Variants in WDR36 observed in about 807,000 individuals in gnomAD.
WDR36 encodes the protein WD repeat-containing protein 36.
In WDR36, 63 loss-of-function variants were observed where a neutral mutation model predicts 112.7. That is an observed-to-expected ratio of 0.56 (90% CI 0.46 to 0.69). WDR36 has a LOEUF of 0.69. WDR36 is among the 30% of genes least tolerant of loss of function. The pLI is 0.00. For missense variants in WDR36, 1,226 were observed against 1,070.3 expected (o/e 1.15, Z -2.03); for synonymous variants, 410 against 362.2 (o/e 1.13, Z -1.50).
At position 111,124,113 on chromosome 5, in the gene WDR36, AGTG is replaced by A; in HGVS notation, c.2277_2279del (p.Val760del). On this transcript the variant is annotated inframe_deletion, in exon 21 of 23. Coordinates refer to ENST00000513710, the MANE Select transcript of WDR36 (RefSeq NM_139281.3). ...TGTATTTGTTTTTGTTTAAGTCTAAAGTGGTAAATCTTGGAGTTTTGGCTCAAA... is the reference window on the plus strand; with the variant it reads ...TGTATTTGTTTTTGTTTAAGTCTAAAGTAAATCTTGGAGTTTTGGCTCAAA... The A allele has an allele frequency of 6.2e-7, 1 of 1,613,080 alleles. No individual in the cohort carries two copies.
Position 111,107,440 on chromosome 5 carries a change from G to A in WDR36, c.1326+1G>A, listed in dbSNP as rs1447496285. On this transcript the variant is annotated splice_donor_variant, in intron 12 of 22. Transcript: ENST00000513710. LOFTEE classifies it high-confidence loss of function. The stretch of plus-strand genomic sequence containing the variant: ...GAAGAAAGATGACATAACTGCAACA[G>A]TAAGTGAGCTTGTTTATAAGAGTAT... 6.2e-7 allele frequency: 1 copy of A among 1,609,406 alleles called. No individual in the cohort carries two copies. The highest frequency in any genetic ancestry group is 8.5e-7 in the Non-Finnish European group (1 of 1,176,922).
At position 111,127,518 on chromosome 5, in the gene WDR36, C is replaced by G. The variant is rs1050397746; in HGVS notation, c.*635C>G. On this transcript the variant is annotated 3_prime_UTR_variant, in exon 23 of 23. Coordinates refer to ENST00000513710, the MANE Select transcript of WDR36 (RefSeq NM_139281.3). ...AGTTGGAGGATAAACTAATCATCTT[C>G]TAGCACAGCCCTGTTGTGTTGCAGG... The G allele has an allele frequency of 4.8e-6, 1 of 209,320 alleles. No individual in the cohort carries two copies. The highest frequency in any genetic ancestry group is 7.2e-5 in the East Asian group (1 of 13,944). The allele number at this position is 209,320 out of a possible 1,614,324, so 13.0% of individuals were successfully genotyped here.
intron 4 of WDR36, 64 bp downstream of exon 4, chr5:111,098,903 T>C (rs1408888006): frequency 6.7e-6 from 8 of 1,187,136 alleles, no homozygotes; most frequent in Non-Finnish European, 8.8e-6. Context: ...AAATTTAAAA[T>C]CTATGTAAAC....
chr5:111,113,610 G>T (rs1355717890), intron 16 of WDR36, among the ~76,000 whole-genome samples: 1 of 152,012 alleles, frequency 6.6e-6, no homozygotes, highest in Non-Finnish European at 1.5e-5. Context: ...GATAGTCTTA[G>T]TGCATTTTCT....
At chr5:111,110,712 G>T (rs1400549766) in intron 13 of WDR36, 76 bp from the exon 14 acceptor site, 5 of 1,463,858 alleles carry the variant, frequency 3.4e-6, no homozygotes, top group Non-Finnish European at 3.8e-6. Context: ...TTGAATGAAG[G>T]AATCACTGTG....
At chr5:111,103,714 T>A (rs1345239477) in intron 6 of WDR36, 72 bp from the exon 7 acceptor site, 1 of 1,574,418 alleles carries the variant, frequency 6.4e-7, no homozygotes, top group Non-Finnish European at 8.7e-7. Context: ...CACCTAATAA[T>A]GATGCGTATC....
rs1753744415 is a variant in WDR36, at chr5:111,129,495, A to G, written c.*2612A>G. The G allele has an allele frequency of 5.2e-6, 1 of 193,770 alleles. No homozygotes were observed. Among genetic ancestry groups the G allele is most frequent in the South Asian group, 1.9e-4 (1 of 5,186 alleles). 12.0% of individuals were successfully genotyped at this position (193,770 alleles called of 1,614,324 possible). A position where few individuals can be genotyped will look rare whatever the true frequency, so the allele number is the denominator to read the frequency against. On this transcript the variant is annotated 3_prime_UTR_variant, in exon 23 of 23. Coordinates refer to ENST00000513710, the MANE Select transcript of WDR36 (RefSeq NM_139281.3). The stretch of plus-strand genomic sequence containing the variant: ...CTAGTGAAGATGGACATATTTTTGT[A>G]TGTTTATTTTAGAACATATAAACAT...
At chr5:111,113,218 CT>C in intron 16 of WDR36, 65 bp downstream of exon 16, 1 of 1,004,592 alleles carries the variant, frequency 1.0e-6, no homozygotes. Context: ...TCACATGTGA[CT>C]TTTACCGATA....
At chr5:111,125,579 A>C (rs1283831484) in intron 21 of WDR36, 29 bp from the exon 22 acceptor site, 1 of 1,599,954 alleles carries the variant, frequency 6.3e-7, no homozygotes, top group Admixed American at 1.7e-5. Flanking sequence ...ATTATAATCA[A>C]GTCATAACTG....
Position 111,094,445 on chromosome 5 carries a change from C to T in WDR36, c.163-475C>T, listed in dbSNP as rs547926922. On this transcript the variant is annotated intron_variant, in intron 1 of 22. Transcript: ENST00000513710. ...GCCCACTGTTTGTTTTTGTATGACC[C>T]AGGAGTTACGAATGATTTTGACATG... Among the ~76,000 whole-genome samples, 11 of 152,018 alleles carry T rather than the reference C, an allele frequency of 7.2e-5. No homozygotes were observed. In the East Asian group the frequency reaches 9.7e-4, roughly 13 times the overall value.
At chr5:111,104,377 T>G (rs1231530755) in intron 8 of WDR36, 25 bp downstream of exon 8, 1 of 1,611,296 alleles carries the variant, frequency 6.2e-7, no homozygotes, top group African/African-American at 1.3e-5. Flanking sequence ...GTTAACATCT[T>G]CCTGGCTCAT....
In WDR36 at chr5:111,125,657, A is replaced by C; in HGVS notation, c.2400A>C (p.Glu800Asp). Residue 800 changes from glutamate to aspartate, a missense_variant, in exon 22 of 23, where the codon GAA becomes GAC. Physicochemically the swap from Glu to Asp is conservative, Grantham distance 45. Coordinates refer to ENST00000513710, the MANE Select transcript of WDR36 (RefSeq NM_139281.3). The stretch of plus-strand genomic sequence containing the variant: ...AAGAATCAGGCCCATCAGGAATTGA[A>C]ACAGAGCTGCGAAGCTTGTCTCCTG... ...LLKESGPSGIETELRSLSPDC... is the reference protein window; with the variant it reads ...LLKESGPSGIDTELRSLSPDC... The C allele has an allele frequency of 6.2e-7, 1 of 1,613,886 alleles. No homozygotes were observed. Among genetic ancestry groups the C allele is most frequent in the Non-Finnish European group, 8.5e-7 (1 of 1,179,864 alleles).
At chr5:111,111,132 T>A (rs1561706315) in intron 14 of WDR36, 38 bp from the exon 15 acceptor site, 1 of 1,599,276 alleles carries the variant, frequency 6.3e-7, no homozygotes, top group Admixed American at 1.7e-5. Context: ...AGTTCAAGGG[T>A]TTTTTGTTTA....
At chr5:111,111,313 T>G in intron 15 of WDR36, 35 bp downstream of exon 15, 1 of 1,557,684 alleles carries the variant, frequency 6.4e-7, no homozygotes, top group Non-Finnish European at 8.9e-7. Context: ...ACTTGACTCA[T>G]TTCTACTTTT....
At chr5:111,111,982 C>G (rs1417497352) in intron 15 of WDR36, among the ~76,000 whole-genome samples, 1 of 151,796 alleles carries the variant, frequency 6.6e-6, no homozygotes, top group Non-Finnish European at 1.5e-5. Flanking sequence ...GCTGCATTTA[C>G]TAGTTCTCAC....
In WDR36 at chr5:111,104,247, A is replaced by T. The variant is rs766198153; in HGVS notation, c.801A>T (p.Lys267Asn). Residue 267 changes from lysine (K) to asparagine (N), a missense_variant, in exon 8 of 23, where the codon AAA becomes AAT. Transcript: ENST00000513710. ...GACTCTGGGATCTAGAAGACAAAAA[A>T]TTAATCAACCAAATGAGAAATGCAC... ...HIGLWDLEDK[K>N]LINQMRNAHS... 2 of 1,612,100 alleles carry T rather than the reference A, an allele frequency of 1.2e-6. No homozygotes were observed. Among genetic ancestry groups the T allele is most frequent in the Admixed American group, 3.3e-5 (2 of 59,804 alleles).
chr5:111,096,124 C>G (rs1437861758), intron 2 of WDR36, among the ~76,000 whole-genome samples: 2 of 152,142 alleles, frequency 1.3e-5, no homozygotes, highest in African/African-American at 4.8e-5. Context: ...TACAACAATC[C>G]TGTGTCTACT....
At chr5:111,126,206 G>A (rs1183246155) in intron 22 of WDR36, among the ~76,000 whole-genome samples, 4 of 151,612 alleles carry the variant, frequency 2.6e-5, no homozygotes, top group Admixed American at 1.3e-4. Flanking sequence ...GAAGTTTTTT[G>A]TGATTATGAA....
At position 111,105,402 on chromosome 5, in the gene WDR36, ACATTT is replaced by A. The variant is rs1561704166; in HGVS notation, c.1093+45_1093+49del. The A allele has an allele frequency of 1.9e-6, 3 of 1,543,696 alleles. No individual in the cohort carries two copies. In the Admixed American group the frequency reaches 5.0e-5, roughly 26 times the overall value. ...ACAAAATAAGCTGGTCACGAAAGAAACATTTCAACATTCTATGAAACAACTGGAGG... is the reference window on the plus strand; with the variant it reads ...ACAAAATAAGCTGGTCACGAAAGAAACAACATTCTATGAAACAACTGGAGG... On this transcript the variant is annotated intron_variant, in intron 10 of 22. Coordinates refer to ENST00000513710, the MANE Select transcript of WDR36 (RefSeq NM_139281.3).
Sources: allele counts gnomAD v4.1 joint callset (sites outside exome capture counted in the v4.1 genomes callset), GRCh38; gene constraint gnomAD v4.1.1; transcripts MANE v1.5; gene names NCBI Gene and HGNC (gene_info 2026-07-23, HGNC 2026-07-21).